ADGRB3: variants seen among roughly 807,000 people sequenced by gnomAD.
The protein encoded by ADGRB3 is adhesion G protein-coupled receptor B3, also known as brain-specific angiogenesis inhibitor 3.
In ADGRB3, 37 loss-of-function variants were observed where a neutral mutation model predicts 193.4. The observed-to-expected ratio is 0.19, with a 90% CI of 0.15 to 0.25. ADGRB3 has a LOEUF of 0.25. ADGRB3 is among the 10% of genes least tolerant of loss of function. The pLI is 1.00. For synonymous variants in ADGRB3, 690 were observed against 644.2 expected (o/e 1.07, Z -1.08); for missense variants, 1,637 against 1,852.9 (o/e 0.88, Z 2.14).
chr6:68,766,350 T>C (rs745524852), intron 3 of ADGRB3, among the ~76,000 whole-genome samples: 1 of 151,982 alleles, frequency 6.6e-6, no homozygotes, highest in Non-Finnish European at 1.5e-5. Context: ...AGTTCCTTCA[T>C]ACGTAGTATG....
At chr6:68,825,230 T>C (rs1424418973) in intron 3 of ADGRB3, among the ~76,000 whole-genome samples, 1 of 152,120 alleles carries the variant, frequency 6.6e-6, no homozygotes, top group Admixed American at 6.5e-5. Context: ...GCTTCTCTCC[T>C]TGAATGTTTT....
intron 17 of ADGRB3, among the ~76,000 whole-genome samples, chr6:69,154,435 T>C (rs770220325): frequency 6.6e-6 from 1 of 152,228 alleles, no homozygotes; most frequent in Non-Finnish European, 1.5e-5. Context: ...TCATTTTCTC[T>C]TTACCTTCTG....
intron 3 of ADGRB3, among the ~76,000 whole-genome samples, chr6:68,754,825 T>C (rs762291401): frequency 5.3e-5 from 8 of 152,052 alleles, no homozygotes; most frequent in Non-Finnish European, 8.8e-5. Flanking sequence ...GTCTAACCCT[T>C]GCACAATATT....
chr6:69,124,152 A>G (rs747570811), intron 17 of ADGRB3, among the ~76,000 whole-genome samples: 23 of 150,660 alleles, frequency 1.5e-4, no homozygotes, highest in Non-Finnish European at 2.7e-4. Flanking sequence ...CTTTATCTTT[A>G]TATTTTACAA....
chr6:69,073,151 C>G (rs746229710), intron 16 of ADGRB3, among the ~76,000 whole-genome samples: 1 of 152,154 alleles, frequency 6.6e-6, no homozygotes, highest in Non-Finnish European at 1.5e-5. Context: ...CTATGTTCCT[C>G]ATCTACTTCT....
At chr6:68,949,653 T>C (rs1767863830) in intron 6 of ADGRB3, among the ~76,000 whole-genome samples, 1 of 152,176 alleles carries the variant, frequency 6.6e-6, no homozygotes, top group African/African-American at 2.4e-5. Context: ...TGTTATAATT[T>C]GTAACTCAAA....
intron 3 of ADGRB3, among the ~76,000 whole-genome samples, chr6:68,766,042 C>T (rs1434077468): frequency 6.6e-6 from 1 of 151,894 alleles, no homozygotes; most frequent in Non-Finnish European, 1.5e-5. Context: ...TTTTTCGTAT[C>T]ATGCGTGGAT....
intron 17 of ADGRB3, among the ~76,000 whole-genome samples, chr6:69,119,660 G>T (rs1326285993): frequency 6.6e-6 from 1 of 152,082 alleles, no homozygotes; most frequent in Non-Finnish European, 1.5e-5. Flanking sequence ...CATTAAATTG[G>T]AGAGTGCCAG....
intron 30 of ADGRB3, among the ~76,000 whole-genome samples, chr6:69,375,642 C>A (rs940336145): frequency 4.6e-5 from 7 of 152,050 alleles, no homozygotes; most frequent in Admixed American, 6.6e-5. Context: ...AATCGTCTGT[C>A]TTGTGTCGAG....
At chr6:69,318,890 T>C (rs553263983) in intron 20 of ADGRB3, among the ~76,000 whole-genome samples, 1 of 150,644 alleles carries the variant, frequency 6.6e-6, no homozygotes, top group Non-Finnish European at 1.5e-5. Context: ...TGTATAACTA[T>C]TTTCATTCCT....
chr6:68,936,704 T>A, intron 5 of ADGRB3, 24 bp downstream of exon 5: 1 of 1,598,648 alleles, frequency 6.3e-7, no homozygotes. Context: ...CAACTACAAC[T>A]GTGGATGTTA....
At chr6:69,056,638 T>C (rs13204234) in intron 15 of ADGRB3, among the ~76,000 whole-genome samples, 1 of 152,166 alleles carries the variant, frequency 6.6e-6, no homozygotes, top group African/African-American at 2.4e-5. Flanking sequence ...TTTTATGTTG[T>C]TTTTTATATG....
intron 17 of ADGRB3, among the ~76,000 whole-genome samples, chr6:69,135,445 A>G (rs1355671940): frequency 1.3e-5 from 2 of 152,090 alleles, no homozygotes; most frequent in African/African-American, 4.8e-5. Context: ...TTACCTTTGT[A>G]AAAACCATGT....
intron 3 of ADGRB3, among the ~76,000 whole-genome samples, chr6:68,687,349 T>C (rs1376919525): frequency 6.6e-6 from 1 of 152,140 alleles, no homozygotes; most frequent in Non-Finnish European, 1.5e-5. Context: ...AAAAAGTTCA[T>C]AGAAAATATA....
In ADGRB3 at chr6:69,338,577, A is replaced by AT. The variant is rs1252080101; in HGVS notation, c.3189-337dup. On this transcript the variant is annotated intron_variant, in intron 24 of 31. Coordinates refer to ENST00000370598, the MANE Select transcript of ADGRB3 (RefSeq NM_001704.3). ...GCTAGGAGTCCTCACATGTTTGATT[A>AT]TTGGGGTCTGAATAAAGGGTTTTCA... Among the ~76,000 whole-genome samples, 5 of 152,180 alleles carry AT rather than the reference A, an allele frequency of 3.3e-5. No individual in the cohort carries two copies. In the South Asian group the frequency reaches 8.3e-4, roughly 25 times the overall value.
intron 3 of ADGRB3, among the ~76,000 whole-genome samples, chr6:68,805,191 T>A (rs1264305256): frequency 6.6e-6 from 1 of 152,192 alleles, no homozygotes; most frequent in African/African-American, 2.4e-5. Context: ...ACTGTCTGCT[T>A]TGGCCTCCCA....
At chr6:69,064,316 T>G (rs1771835994) in intron 16 of ADGRB3, among the ~76,000 whole-genome samples, 1 of 151,486 alleles carries the variant, frequency 6.6e-6, no homozygotes, top group Admixed American at 6.6e-5. Context: ...ATTTAAACTA[T>G]TTAACTTTAA....
At chr6:68,883,823 CAAAG>C (rs145870234) in intron 3 of ADGRB3, among the ~76,000 whole-genome samples, 4,227 of 152,194 alleles carry the variant, frequency 0.028, 198 homozygotes, top group African/African-American at 0.095. Flanking sequence ...GTCGGTGAGA[CAAAG>C]AACCCACCAA....
chr6:69,064,983 T>C (rs917907192), intron 16 of ADGRB3, among the ~76,000 whole-genome samples: 3 of 152,150 alleles, frequency 2.0e-5, no homozygotes, highest in African/African-American at 7.2e-5. Flanking sequence ...TAAAAATATT[T>C]TCTACATATG....
Sources: gnomAD v4.1 joint callset for allele counts (sites outside exome capture counted in the v4.1 genomes callset) on GRCh38, gnomAD v4.1.1 for gene constraint, MANE v1.5 for transcripts, NCBI Gene and HGNC (gene_info 2026-07-23, HGNC 2026-07-21) for gene names.